Variants in CFAP20DC observed in about 807,000 individuals in gnomAD.
CFAP20DC encodes CFAP20 domain containing, also known as protein CFAP20DC.
CFAP20DC carries 84 observed loss-of-function variants against 101.7 expected under a neutral mutation model. That is an observed-to-expected ratio of 0.83 (90% CI 0.69 to 0.99). The LOEUF (loss-of-function observed/expected upper bound fraction) is 0.99, where lower values mean the gene tolerates loss of function less well. Ranked by LOEUF, CFAP20DC falls within the 50% of genes least tolerant of loss-of-function variation. The pLI is 0.00. For synonymous variants in CFAP20DC, 359 were observed against 351.2 expected (o/e 1.02, Z -0.25); for missense variants, 1,007 against 970.3 (o/e 1.04, Z -0.50).
Position 58,860,678 on chromosome 3 carries a change from G to A in CFAP20DC, c.1593+2880C>T, listed in dbSNP as rs144055523. On this transcript the variant is annotated intron_variant, in intron 12 of 16. Transcript: ENST00000482387. ...AATAAAATATTAACATAAGGCTAAT[G>A]ATTTCAAGCTGCAAAACCAGGTGTA... 2.6e-5 allele frequency among the ~76,000 whole-genome samples: 4 copies of A among 152,280 alleles called. No homozygotes were observed. The East Asian group carries it at 7.7e-4, about 29-fold the overall frequency.
At chr3:58,754,128 C>T (rs921798990) in intron 15 of CFAP20DC, among the ~76,000 whole-genome samples, 2 of 152,174 alleles carry the variant, frequency 1.3e-5, no homozygotes, top group African/African-American at 4.8e-5. Context: ...TATTAAATTA[C>T]AGCAGAGTTC....
intron 7 of CFAP20DC, among the ~76,000 whole-genome samples, chr3:58,877,415 A>G (rs1022842854): frequency 1.3e-5 from 2 of 152,232 alleles, no homozygotes; most frequent in Non-Finnish European, 2.9e-5. Context: ...CAGGAGCTTC[A>G]TATCTAGTCT....
At chr3:58,751,840 AACACACACAC>A (rs58961774) in intron 16 of CFAP20DC, among the ~76,000 whole-genome samples, 1 of 140,664 alleles carries the variant, frequency 7.1e-6, no homozygotes, top group Non-Finnish European at 1.5e-5. Context: ...CCTCAGCTGT[AACACACACAC>A]ACACACACAC....
At position 58,899,324 on chromosome 3, in the gene CFAP20DC, C is replaced by G. The variant is rs2082942456; in HGVS notation, c.550+14384G>C. Among the ~76,000 whole-genome samples, 1 of 152,214 alleles carries G rather than the reference C, an allele frequency of 6.6e-6. No homozygotes were observed. The highest frequency in any genetic ancestry group is 1.5e-5 in the Non-Finnish European group (1 of 68,038). ...GCCTAAACCACAGAGATGTTGGCCACCCCTCCCACTGGGGACTCGGTCCTT... is the reference window on the plus strand; with the variant it reads ...GCCTAAACCACAGAGATGTTGGCCAGCCCTCCCACTGGGGACTCGGTCCTT... On this transcript the variant is annotated intron_variant, in intron 6 of 16. Transcript: ENST00000482387. This position sits in a 1 kb window ranked among gnomAD's most constrained non-coding sequence, Gnocchi z 5.0.
intron 13 of CFAP20DC, among the ~76,000 whole-genome samples, chr3:58,836,862 G>A (rs183419035): frequency 6.6e-6 from 1 of 152,212 alleles, no homozygotes; most frequent in African/African-American, 2.4e-5. Context: ...ATAAGAGAAG[G>A]GAGATATACA....
chr3:58,772,934 T>C (rs1011673695), intron 15 of CFAP20DC, among the ~76,000 whole-genome samples: 1 of 152,150 alleles, frequency 6.6e-6, no homozygotes, highest in Non-Finnish European at 1.5e-5. Flanking sequence ...CATCTGGCAG[T>C]AGAAATGTAG....
At chr3:58,761,972 T>C (rs2069656657) in intron 15 of CFAP20DC, among the ~76,000 whole-genome samples, 2 of 152,166 alleles carry the variant, frequency 1.3e-5, no homozygotes, top group African/African-American at 4.8e-5. Flanking sequence ...TGGTCAATTT[T>C]GGAATAGGTG....
intron 14 of CFAP20DC, 29 bp downstream of exon 14, chr3:58,831,657 G>A: frequency 6.2e-7 from 1 of 1,601,434 alleles, no homozygotes; most frequent in Non-Finnish European, 8.5e-7. Flanking sequence ...GTTAAGCAAT[G>A]AGAGGAAGCT....
At chr3:58,968,434 T>G (rs1401496988) in intron 4 of CFAP20DC, among the ~76,000 whole-genome samples, 2 of 152,172 alleles carry the variant, frequency 1.3e-5, no homozygotes, top group Non-Finnish European at 2.9e-5. Flanking sequence ...CTCATTGTGG[T>G]TTTTATCTGC....
chr3:58,785,659 A>AC (rs2072264114), intron 15 of CFAP20DC, among the ~76,000 whole-genome samples: 1 of 152,166 alleles, frequency 6.6e-6, no homozygotes. Flanking sequence ...ATCATTGAAG[A>AC]TGTAGGGGAA....
At chr3:58,953,127 A>G (rs2090301049) in intron 4 of CFAP20DC, among the ~76,000 whole-genome samples, 1 of 152,182 alleles carries the variant, frequency 6.6e-6, no homozygotes, top group Non-Finnish European at 1.5e-5. Flanking sequence ...CTCTCACATA[A>G]GGCAACGTTT....
intron 4 of CFAP20DC, among the ~76,000 whole-genome samples, chr3:58,998,643 G>A (rs2093213105): frequency 6.6e-6 from 1 of 152,082 alleles, no homozygotes; most frequent in South Asian, 2.1e-4. Context: ...CCCACCCTGT[G>A]ACTCTAGGGT....
chr3:58,897,492 AGT>A lies in CFAP20DC; in HGVS notation c.551-12785_551-12784del, dbSNP rs2082764365. Among the ~76,000 whole-genome samples, 1 of 152,030 alleles carries A rather than the reference AGT, an allele frequency of 6.6e-6. No individual in the cohort carries two copies. The highest frequency in any genetic ancestry group is 6.6e-5 in the Admixed American group (1 of 15,258). On this transcript the variant is annotated intron_variant, in intron 6 of 16. Coordinates refer to ENST00000482387, the MANE Select transcript of CFAP20DC (RefSeq NM_001394063.1). This position sits in a 1 kb window ranked among gnomAD's most constrained non-coding sequence, Gnocchi z 4.4. Reference sequence around the variant, plus strand: ...GTGTACTTCAGATACACTGTACTTCAGTGTGTTTTTGTAGTGGCTGGTAATGG... The same window carrying A: ...GTGTACTTCAGATACACTGTACTTCAGTGTTTTTGTAGTGGCTGGTAATGG...
chr3:58,807,665 C>G (rs977915129), intron 14 of CFAP20DC, among the ~76,000 whole-genome samples: 1 of 152,228 alleles, frequency 6.6e-6, no homozygotes, highest in African/African-American at 2.4e-5. Context: ...AGCGCGTCTC[C>G]TCATCCAAAG....
rs751728049 is a variant in CFAP20DC at position 58,863,917 on chromosome 3, A to T, written c.1259-25T>A. ...TCTGACAGTTGGAAAAGATGACAAA[A>T]ATTAGAGCAGTAATCCATAAAAGTG... is the stretch of plus-strand genomic sequence containing the variant. On this transcript the variant is annotated intron_variant, in intron 11 of 16. Transcript: ENST00000482387. The surrounding 1 kb of genome is among the most constrained non-coding windows in gnomAD (Gnocchi z 5.9). The T allele has an allele frequency of 6.3e-7, 1 of 1,581,968 alleles. No homozygotes were observed. Among genetic ancestry groups the T allele is most frequent in the East Asian group, 2.2e-5 (1 of 44,558 alleles).
At chr3:58,800,841 G>T (rs1388548244) in intron 15 of CFAP20DC, among the ~76,000 whole-genome samples, 1 of 152,034 alleles carries the variant, frequency 6.6e-6, no homozygotes, top group African/African-American at 2.4e-5. Context: ...GGAAAGGAAA[G>T]GGCAATTCTT....
At chr3:58,806,286 G>T (rs886642429) in intron 15 of CFAP20DC, 109 bp downstream of exon 15, 30 of 742,498 alleles carry the variant, frequency 4.0e-5, no homozygotes. Flanking sequence ...AAGAACATAA[G>T]TTTGGAAGCT....
chr3:58,868,058 AG>A lies in CFAP20DC; in HGVS notation c.1016-123del. 1 of 1,128,758 alleles carries A rather than the reference AG, an allele frequency of 8.9e-7. No individual in the cohort carries two copies. The highest frequency in any genetic ancestry group is 1.2e-6 in the Non-Finnish European group (1 of 828,890). 69.9% of individuals were successfully genotyped at this position (1,128,758 alleles called of 1,614,324 possible). ...CATGTATAATTTTGACATAATGTGAAGATACATCAAAAATACAACTTCATAG... is the reference window on the plus strand; with the variant it reads ...CATGTATAATTTTGACATAATGTGAAATACATCAAAAATACAACTTCATAG... On this transcript the variant is annotated intron_variant, in intron 9 of 16. Transcript: ENST00000482387. This position sits in a 1 kb window ranked among gnomAD's most constrained non-coding sequence, Gnocchi z 4.6.
At chr3:58,839,795 A>T (rs1298605883) in intron 13 of CFAP20DC, among the ~76,000 whole-genome samples, 1 of 152,206 alleles carries the variant, frequency 6.6e-6, no homozygotes, top group East Asian at 1.9e-4. Flanking sequence ...TCTCCTCTTC[A>T]TTAGAGTAAT....
Sources: gnomAD v4.1 joint callset for allele counts (sites outside exome capture counted in the v4.1 genomes callset) on GRCh38, gnomAD v4.1.1 for gene constraint, Gnocchi (gnomAD v3.1) non-coding constraint, MANE v1.5 for transcripts, NCBI Gene and HGNC (gene_info 2026-07-23, HGNC 2026-07-21) for gene names.